Variants in PTPRR observed in about 807,000 individuals in gnomAD.
PTPRR encodes the protein receptor-type tyrosine-protein phosphatase R.
PTPRR carries 38 observed loss-of-function variants against 77.2 expected under a neutral mutation model. That is an observed-to-expected ratio of 0.49 (90% CI 0.38 to 0.65). The LOEUF is 0.65. Ranked by LOEUF, PTPRR falls within the 30% of genes least tolerant of loss-of-function variation. The pLI, the probability that PTPRR is intolerant of heterozygous loss-of-function variation, is 0.00. For synonymous variants in PTPRR, 299 were observed against 283.1 expected, an observed-to-expected ratio of 1.06 and a Z score of -0.57; for missense variants, 744 against 799.2, an observed-to-expected ratio of 0.93 and a Z score of 0.83.
At chr12:70,688,891 A>T (rs1887962646) in intron 8 of PTPRR, among the ~76,000 whole-genome samples, 1 of 152,250 alleles carries the variant, frequency 6.6e-6, no homozygotes, top group African/African-American at 2.4e-5. Flanking sequence ...TTGTGACAAC[A>T]TAGATAGACT....
intron 5 of PTPRR, among the ~76,000 whole-genome samples, chr12:70,746,890 C>T (rs1260965557): frequency 6.6e-6 from 1 of 151,352 alleles, no homozygotes; most frequent in African/African-American, 2.4e-5. Flanking sequence ...TGTCAGTCCA[C>T]CTCCTTGTAA....
intron 10 of PTPRR, among the ~76,000 whole-genome samples, chr12:70,678,629 T>C (rs1197878944): frequency 6.6e-6 from 1 of 152,160 alleles, no homozygotes; most frequent in Non-Finnish European, 1.5e-5. Context: ...CTTTGATCTT[T>C]CTTATTTACT....
intron 5 of PTPRR, among the ~76,000 whole-genome samples, chr12:70,753,341 G>C (rs376357619): frequency 6.1e-4 from 93 of 152,144 alleles, no homozygotes; most frequent in African/African-American, 2.0e-3. Context: ...CTTTTGGGGG[G>C]CACTTAAAAA....
At chr12:70,875,192 G>C (rs1305384922) in intron 2 of PTPRR, among the ~76,000 whole-genome samples, 1 of 152,078 alleles carries the variant, frequency 6.6e-6, no homozygotes, top group East Asian at 1.9e-4. Flanking sequence ...GTTTTCCCTG[G>C]ATATTACTGA....
chr12:70,860,958 A>G (rs1052621370), intron 2 of PTPRR, among the ~76,000 whole-genome samples: 1 of 152,014 alleles, frequency 6.6e-6, no homozygotes, highest in African/African-American at 2.4e-5. Context: ...TGTTTTCTAG[A>G]ACTTAGTGCT....
At chr12:70,719,533 G>T (rs1469431751) in intron 6 of PTPRR, among the ~76,000 whole-genome samples, 2 of 65,880 alleles carry the variant, frequency 3.0e-5, no homozygotes, top group Non-Finnish European at 3.2e-5. Flanking sequence ...GGGAGCAAAA[G>T]GGCAAAAAAA....
In PTPRR at chr12:70,701,300, G is replaced by C. The variant is rs779047844; in HGVS notation, c.1031C>G (p.Thr344Arg). The change falls in exon 7 of 14, where the codon ACA becomes AGA. Residue 344 changes from threonine to arginine, a missense_variant. Transcript: ENST00000283228. ...GTTCCCCAAGCTACTCATGTCCAAT[G>C]TAAGAGATACGTTGGACCCTCTTCT... ...QERRGSNVSL[T>R]LDMSSLGNIE... is the part of the protein sequence containing the mutation. 6.8e-6 allele frequency: 11 copies of C among 1,613,706 alleles called. No homozygotes were observed. Among genetic ancestry groups the C allele is most frequent in the Non-Finnish European group, 8.5e-6 (10 of 1,179,866 alleles).
At chr12:70,869,093 G>C (rs1484460993) in intron 2 of PTPRR, among the ~76,000 whole-genome samples, 2 of 150,112 alleles carry the variant, frequency 1.3e-5, no homozygotes, top group African/African-American at 4.9e-5. Flanking sequence ...TAAATGACGA[G>C]TTAATGGGTG....
intron 1 of PTPRR, among the ~76,000 whole-genome samples, chr12:70,915,732 G>A (rs2137140913): frequency 6.6e-6 from 1 of 152,294 alleles, no homozygotes; most frequent in East Asian, 1.9e-4. Context: ...GAGATAGTGT[G>A]TTTTGGGGGC....
At chr12:70,859,888 A>C (rs1264867510) in intron 2 of PTPRR, among the ~76,000 whole-genome samples, 2 of 152,094 alleles carry the variant, frequency 1.3e-5, no homozygotes, top group East Asian at 3.8e-4. Flanking sequence ...AAGTGCTCAA[A>C]AAACATTTTG....
intron 2 of PTPRR, among the ~76,000 whole-genome samples, chr12:70,822,573 C>T (rs1206019785): frequency 6.6e-6 from 1 of 152,156 alleles, no homozygotes; most frequent in African/African-American, 2.4e-5. Flanking sequence ...TGCCAGGATT[C>T]TGCATGAAAT....
At chr12:70,906,420 T>A (rs991451559) in intron 1 of PTPRR, among the ~76,000 whole-genome samples, 2 of 152,074 alleles carry the variant, frequency 1.3e-5, no homozygotes. Flanking sequence ...GAAATTCTAC[T>A]CTGGGATGTA....
chr12:70,730,803 G>A (rs1592712991), intron 6 of PTPRR, among the ~76,000 whole-genome samples: 1 of 150,432 alleles, frequency 6.6e-6, no homozygotes, highest in African/African-American at 2.4e-5. Context: ...CAGCTTGGGG[G>A]AGAGAGAGAG....
intron 10 of PTPRR, among the ~76,000 whole-genome samples, chr12:70,676,175 CT>C (rs1592661975): frequency 6.6e-6 from 1 of 151,714 alleles, no homozygotes; most frequent in Admixed American, 6.6e-5. Flanking sequence ...CTTAGACACT[CT>C]TTTTTATTTT....
chr12:70,917,523 G>A (rs925464764), intron 1 of PTPRR, among the ~76,000 whole-genome samples: 1 of 152,112 alleles, frequency 6.6e-6, no homozygotes, highest in African/African-American at 2.4e-5. Flanking sequence ...GTAGAGTAGT[G>A]TCCAGCTTCT....
intron 2 of PTPRR, among the ~76,000 whole-genome samples, chr12:70,847,283 A>G (rs1892501620): frequency 6.6e-6 from 1 of 152,188 alleles, no homozygotes; most frequent in African/African-American, 2.4e-5. Context: ...GTAGCTGGTC[A>G]TTAATTGTTA....
intron 6 of PTPRR, among the ~76,000 whole-genome samples, chr12:70,731,704 AT>A (rs2136884818): frequency 6.6e-6 from 1 of 152,340 alleles, no homozygotes; most frequent in South Asian, 2.1e-4. Flanking sequence ...AATCAACTGG[AT>A]GTTTTAGAGC....
chr12:70,795,612 T>A (rs1037322009), intron 2 of PTPRR, among the ~76,000 whole-genome samples: 1 of 152,214 alleles, frequency 6.6e-6, no homozygotes, highest in Non-Finnish European at 1.5e-5. Context: ...ATATCATTTC[T>A]ATTTGTATCA....
chr12:70,824,600 C>T (rs11178446), intron 2 of PTPRR, among the ~76,000 whole-genome samples: 8,829 of 152,208 alleles, frequency 0.058, 319 homozygotes, highest in Non-Finnish European at 0.078. Flanking sequence ...TCAGCATTCT[C>T]TTGAATGACC....
Sources: allele counts gnomAD v4.1 joint callset (sites outside exome capture counted in the v4.1 genomes callset), GRCh38; gene constraint gnomAD v4.1.1; transcripts MANE v1.5; gene names NCBI Gene and HGNC (gene_info 2026-07-23, HGNC 2026-07-21).